GNS: variants seen among roughly 807,000 people sequenced by gnomAD.
GNS encodes N-acetylglucosamine-6-sulfatase.
In GNS, 40 loss-of-function variants were observed where a neutral mutation model predicts 69.7. The observed-to-expected ratio is 0.57, with a 90% confidence interval of 0.45 to 0.75. GNS has a LOEUF of 0.75. GNS is among the 30% of genes least tolerant of loss of function. The pLI is 0.00. For missense variants in GNS, 565 were observed against 685.5 expected, an observed-to-expected ratio of 0.82 and a Z score of 1.96; for synonymous variants, 243 against 251.6, an observed-to-expected ratio of 0.97 and a Z score of 0.32.
At chr12:64,752,631 AAG>A in intron 2 of GNS, 65 bp downstream of exon 2, 1 of 827,846 alleles carries the variant, frequency 1.2e-6, no homozygotes, top group South Asian at 1.4e-5. Context: ...GATTCCCGAG[AAG>A]AGAGTATCTT....
intron 2 of GNS, among the ~76,000 whole-genome samples, chr12:64,748,466 C>T (rs1869966187): frequency 6.6e-6 from 1 of 152,006 alleles, no homozygotes; most frequent in Non-Finnish European, 1.5e-5. Flanking sequence ...ACCTTGGCCT[C>T]CCAAAGTGCT....
At position 64,728,992 on chromosome 12, in the gene GNS, C is replaced by G. The variant is rs1263703439; in HGVS notation, c.1164G>C (p.Lys388Asn). ...ATAAGGACATCCCATCCATCTGTGTCTTATTTAGGTCGTAGCCAGCAATGT... is the reference window on the plus strand; with the variant it reads ...ATAAGGACATCCCATCCATCTGTGTGTTATTTAGGTCGTAGCCAGCAATGT... ...ILDIAGYDLN[K>N]TQMDGMSLLP... Residue 388 changes from lysine (K) to asparagine (N), a missense_variant, in exon 10 of 14, where the codon AAG becomes AAC. Lys to Asn is a moderately conservative substitution (Grantham distance 94, BLOSUM62 0). This residue lies in a region of GNS where 384 missense variants were observed against 511.0 expected (regional missense o/e 0.75). Coordinates refer to ENST00000258145, the MANE Select transcript of GNS (RefSeq NM_002076.4). 6.3e-7 allele frequency: 1 copy of G among 1,599,356 alleles called. No homozygotes were observed. The highest frequency in any genetic ancestry group is 1.1e-5 in the South Asian group (1 of 90,754).
At chr12:64,719,185 C>T (rs1489040878) in intron 13 of GNS, among the ~76,000 whole-genome samples, 1 of 152,208 alleles carries the variant, frequency 6.6e-6, no homozygotes, top group Non-Finnish European at 1.5e-5. Flanking sequence ...TACTCATTCA[C>T]ATTCATTTGT....
chr12:64,732,882 A>C (rs1176236895), intron 9 of GNS, among the ~76,000 whole-genome samples: 1 of 152,206 alleles, frequency 6.6e-6, no homozygotes, highest in Non-Finnish European at 1.5e-5. Flanking sequence ...TACAGGCGTG[A>C]GCCACCATGC....
chr12:64,741,345 G>A (rs1359362704), intron 6 of GNS, among the ~76,000 whole-genome samples: 1 of 151,796 alleles, frequency 6.6e-6, no homozygotes, highest in Non-Finnish European at 1.5e-5. Flanking sequence ...GAGTACAGTG[G>A]CACGATCTCG....
chr12:64,753,726 C>G (rs1204680972), intron 1 of GNS, among the ~76,000 whole-genome samples: 1 of 152,156 alleles, frequency 6.6e-6, no homozygotes, highest in Non-Finnish European at 1.5e-5. Flanking sequence ...TATATAAATA[C>G]AAAACCTACG....
chr12:64,743,103 A>G, intron 6 of GNS, 38 bp downstream of exon 6: 1 of 1,484,060 alleles, frequency 6.7e-7, no homozygotes, highest in Non-Finnish European at 9.4e-7. Flanking sequence ...AGTTAATGAT[A>G]CTTAGTATGG....
chr12:64,750,730 C>G (rs923655883), intron 2 of GNS, among the ~76,000 whole-genome samples: 2 of 151,646 alleles, frequency 1.3e-5, no homozygotes, highest in Non-Finnish European at 2.9e-5. Context: ...GAGTGAGACC[C>G]TGTCACTAAA....
intron 1 of GNS, among the ~76,000 whole-genome samples, chr12:64,754,863 T>G (rs989247746): frequency 1.3e-5 from 2 of 149,668 alleles, no homozygotes; most frequent in African/African-American, 4.9e-5. Flanking sequence ...CAATCTAGCC[T>G]AGGCAAGAAG....
intron 1 of GNS, among the ~76,000 whole-genome samples, chr12:64,755,576 TC>T (rs1301441430): frequency 8.0e-6 from 1 of 125,400 alleles, no homozygotes; most frequent in African/African-American, 3.1e-5. Flanking sequence ...AGACTCCAAC[TC>T]AAAAAAAAAA....
chr12:64,745,895 A>G, intron 3 of GNS, 171 bp from the exon 4 acceptor site: 1 of 619,242 alleles, frequency 1.6e-6, no homozygotes, highest in South Asian at 1.9e-5. Context: ...AGGAACTTCT[A>G]AAGCAGGAGT....
intron 10 of GNS, among the ~76,000 whole-genome samples, chr12:64,725,806 C>G (rs1005221905): frequency 2.3e-4 from 35 of 151,780 alleles, no homozygotes; most frequent in Non-Finnish European, 2.8e-4. Flanking sequence ...ACCATCCTGG[C>G]TAACACGGTG....
chr12:64,730,713 C>A (rs1212119995), intron 9 of GNS, among the ~76,000 whole-genome samples: 3 of 152,018 alleles, frequency 2.0e-5, no homozygotes, highest in African/African-American at 7.3e-5. Context: ...GTTCGAAGAC[C>A]CCCAGGCAAA....
intron 1 of GNS, among the ~76,000 whole-genome samples, chr12:64,758,309 C>CTTTTTTTTTTTT (rs139394351): frequency 3.0e-5 from 2 of 67,368 alleles, no homozygotes; most frequent in Non-Finnish European, 5.5e-5. Flanking sequence ...CACTTCAGGC[C>CTTTTTTTTTTTT]TTTTTTTTTT....
At chr12:64,726,598 G>A (rs1259119835) in intron 10 of GNS, among the ~76,000 whole-genome samples, 4 of 152,126 alleles carry the variant, frequency 2.6e-5, no homozygotes, top group African/African-American at 9.7e-5. Context: ...TGGCTCAAGC[G>A]ATCCTGCTAC....
intron 6 of GNS, among the ~76,000 whole-genome samples, chr12:64,742,638 C>G (rs970187288): frequency 6.6e-6 from 1 of 152,208 alleles, no homozygotes; most frequent in African/African-American, 2.4e-5. Flanking sequence ...AGGGAACTGT[C>G]TATACACCAA....
At chr12:64,737,326 G>A (rs1869584762) in intron 8 of GNS, among the ~76,000 whole-genome samples, 1 of 152,158 alleles carries the variant, frequency 6.6e-6, no homozygotes, top group Non-Finnish European at 1.5e-5. Context: ...GGGACTCCCT[G>A]GCTTATGATA....
At chr12:64,725,168 A>C (rs1470054372) in intron 10 of GNS, among the ~76,000 whole-genome samples, 1 of 152,170 alleles carries the variant, frequency 6.6e-6, no homozygotes, top group Non-Finnish European at 1.5e-5. Flanking sequence ...CTGATGTCTG[A>C]CCAAATTTGA....
Position 64,744,801 on chromosome 12 carries a change from C to T in GNS, c.624+8G>A, listed in dbSNP as rs1869849059. 1 of 1,351,008 alleles carries T rather than the reference C, an allele frequency of 7.4e-7. No individual in the cohort carries two copies. The highest frequency in any genetic ancestry group is 1.1e-6 in the Non-Finnish European group (1 of 939,466). 83.7% of individuals were successfully genotyped at this position (1,351,008 alleles called of 1,614,324 possible). Reference sequence around the variant, plus strand: ...TAAGGACAGAGCTACAAAGCTTCTGCAACTCACCAAAACATCTGTCAGGTA... The same window carrying T: ...TAAGGACAGAGCTACAAAGCTTCTGTAACTCACCAAAACATCTGTCAGGTA... On this transcript the variant is annotated splice_region_variant and intron_variant, in intron 5 of 13. Transcript: ENST00000258145.
Sources: allele counts gnomAD v4.1 joint callset (sites outside exome capture counted in the v4.1 genomes callset), GRCh38; gene constraint gnomAD v4.1.1; regional missense constraint gnomAD v4.1.1; transcripts MANE v1.5; gene names NCBI Gene and HGNC (gene_info 2026-07-23, HGNC 2026-07-21).